Variants in PLG observed in about 807,000 individuals in gnomAD.
PLG encodes plasminogen.
Under a neutral mutation model 104.4 loss-of-function variants are expected in PLG, and 41 were observed. The observed-to-expected ratio is 0.39, with a 90% CI of 0.31 to 0.51. PLG has a LOEUF of 0.51. PLG is among the 20% of genes least tolerant of loss of function. PLG has a pLI of 0.76. For missense variants in PLG, 891 were observed against 1,003.6 expected (o/e 0.89, Z 1.52); for synonymous variants, 337 against 357.1 (o/e 0.94, Z 0.63).
At chr6:160,733,401 G>C (rs374604965) in intron 12 of PLG, among the ~76,000 whole-genome samples, 1 of 152,274 alleles carries the variant, frequency 6.6e-6, no homozygotes, top group African/African-American at 2.4e-5. Flanking sequence ...CTCCTGAAGG[G>C]AGACCCATTC....
At chr6:160,730,168 G>C in intron 10 of PLG, among the ~76,000 whole-genome samples, 1 of 152,314 alleles carries the variant, frequency 6.6e-6, no homozygotes, top group South Asian at 2.1e-4. Flanking sequence ...CCCCAGCCCG[G>C]GGTCCTCGCC....
chr6:160,742,406 T>C (rs181140062), intron 17 of PLG, among the ~76,000 whole-genome samples: 38 of 152,310 alleles, frequency 2.5e-4, no homozygotes, highest in Admixed American at 2.0e-3. Context: ...TAACGATCAG[T>C]GATATTGAGC....
chr6:160,746,349 G>T (rs987780082), intron 17 of PLG, among the ~76,000 whole-genome samples: 12 of 151,748 alleles, frequency 7.9e-5, no homozygotes, highest in Non-Finnish European at 1.6e-4. Flanking sequence ...CTTAATTTTT[G>T]TCAACTGTCT....
In PLG at chr6:160,718,786, G is replaced by A. The variant is rs1221707771; in HGVS notation, c.1044G>A (p.Lys348=). 6.2e-7 allele frequency: 1 copy of A among 1,613,808 alleles called. No homozygotes were observed. The highest frequency in any genetic ancestry group is 1.1e-5 in the South Asian group (1 of 91,066). ...GCCAAGTGCGGTGGGAGTACTGTAA[G>A]ATACCGTCCTGTGACTCCTCCCCAG... ...TNSQVRWEYC[K]IPSCDSSPVS... The change falls in exon 9 of 19, where the codon AAG becomes AAA. Residue 348 remains lysine (K), a synonymous_variant. Coordinates refer to ENST00000308192, the MANE Select transcript of PLG (RefSeq NM_000301.5).
rs551901998 is a variant in PLG, at chr6:160,741,040, C to G, written c.2019-271C>G. Among the ~76,000 whole-genome samples the G allele has an allele frequency of 2.0e-5, 3 of 152,180 alleles. No homozygotes were observed. Among genetic ancestry groups the G allele is most frequent in the Non-Finnish European group, 4.4e-5 (3 of 68,024 alleles). On this transcript the variant is annotated intron_variant, in intron 16 of 18. Coordinates refer to ENST00000308192, the MANE Select transcript of PLG (RefSeq NM_000301.5). This position sits in a 1 kb window ranked among gnomAD's most constrained non-coding sequence, Gnocchi z 4.7. The stretch of plus-strand genomic sequence containing the variant: ...CACAGAATATACATGAGAAGTGCGC[C>G]TTTGTCATCCCTACTTTCAAAGGTG...
chr6:160,709,380 T>C (rs942000074), intron 3 of PLG, among the ~76,000 whole-genome samples: 1 of 152,226 alleles, frequency 6.6e-6, no homozygotes, highest in Non-Finnish European at 1.5e-5. Context: ...TACTTGTAGC[T>C]GTACACATGA....
intron 3 of PLG, among the ~76,000 whole-genome samples, chr6:160,710,610 T>C (rs1475136311): frequency 1.3e-5 from 2 of 152,182 alleles, no homozygotes; most frequent in Non-Finnish European, 1.5e-5. Context: ...CCTGAAGAAA[T>C]AGAAGTGGGT....
Position 160,738,361 on chromosome 6 carries a change from T to C in PLG, c.1803-177T>C. The C allele has an allele frequency of 1.6e-6, 1 of 628,044 alleles. No individual in the cohort carries two copies. The highest frequency in any genetic ancestry group is 2.2e-5 in the Admixed American group (1 of 46,046). 38.9% of individuals were successfully genotyped at this position (628,044 alleles called of 1,614,324 possible). A position where few individuals can be genotyped will look rare whatever the true frequency, so the allele number is the denominator to read the frequency against. On this transcript the variant is annotated intron_variant, in intron 14 of 18. Coordinates refer to ENST00000308192, the MANE Select transcript of PLG (RefSeq NM_000301.5). The surrounding 1 kb of genome is among the most constrained non-coding windows in gnomAD (Gnocchi z 6.8). ...GGCATAGATGGGCCCTTCTCAAAAA[T>C]CCCACTCCTGGAGCACTGGCCAAAA...
intron 1 of PLG, among the ~76,000 whole-genome samples, 198 bp downstream of exon 1, chr6:160,702,551 G>A (rs969016112): frequency 6.6e-6 from 1 of 152,198 alleles, no homozygotes; most frequent in Admixed American, 6.5e-5. Context: ...GTGCTGGAAT[G>A]AATGGGCAGA....
chr6:160,746,415 T>G (rs534715602), intron 17 of PLG, among the ~76,000 whole-genome samples: 22 of 152,348 alleles, frequency 1.4e-4, no homozygotes, highest in African/African-American at 4.8e-4. Context: ...TTGGTTTATT[T>G]TGCTATTAAT....
intron 1 of PLG, among the ~76,000 whole-genome samples, chr6:160,703,312 T>A (rs1777455912): frequency 6.6e-6 from 1 of 151,698 alleles, no homozygotes; most frequent in South Asian, 2.1e-4. Context: ...CATATAGAAT[T>A]CACCCATTTA....
rs1230944283 is a variant in PLG, at chr6:160,741,770, T to C, written c.2125+353T>C. Among the ~76,000 whole-genome samples, 2 of 152,204 alleles carry C rather than the reference T, an allele frequency of 1.3e-5. No individual in the cohort carries two copies. Among genetic ancestry groups the C allele is most frequent in the African/African-American group, 4.8e-5 (2 of 41,450 alleles). On this transcript the variant is annotated intron_variant, in intron 17 of 18. Transcript: ENST00000308192. The surrounding 1 kb of genome is among the most constrained non-coding windows in gnomAD (Gnocchi z 4.7). Reference sequence around the variant, plus strand: ...TATTTTGTCACCTAGGTACTAACCCTAGTACCCAATTCTTAGTATTTCCTG... The same window carrying C: ...TATTTTGTCACCTAGGTACTAACCCCAGTACCCAATTCTTAGTATTTCCTG...
intron 8 of PLG, 116 bp from the exon 9 acceptor site, chr6:160,718,577 A>C (rs1190456357): frequency 1.2e-5 from 16 of 1,362,792 alleles, no homozygotes; most frequent in Non-Finnish European, 1.7e-5. Context: ...TGATCTAGTC[A>C]TAAGTAAAGG....
intron 17 of PLG, among the ~76,000 whole-genome samples, chr6:160,748,873 C>T (rs1268286557): frequency 6.6e-6 from 1 of 152,172 alleles, no homozygotes. Context: ...AAACAATAGT[C>T]TTCCAGCTCT....
intron 17 of PLG, among the ~76,000 whole-genome samples, chr6:160,746,035 C>A (rs1262199089): frequency 6.6e-6 from 1 of 152,124 alleles, no homozygotes; most frequent in East Asian, 1.9e-4. Flanking sequence ...ACGACCTGTC[C>A]TTTCTCTCTA....
intron 4 of PLG, chr6:160,712,163 A>AGAC (rs2115157233): frequency 6.0e-6 from 1 of 167,744 alleles, no homozygotes; most frequent in African/African-American, 2.4e-5. Context: ...ACTCTGGGCC[A>AGAC]TTTTTATGAG....
chr6:160,716,756 C>A lies in PLG; in HGVS notation c.780C>A (p.Pro260=). The A allele has an allele frequency of 6.3e-7, 1 of 1,578,716 alleles. No individual in the cohort carries two copies. The highest frequency in any genetic ancestry group is 8.7e-7 in the Non-Finnish European group (1 of 1,147,738). ...PNKRWELCDI[P]RCTTPPPSSG... is the part of the protein sequence containing the mutation. Reference sequence around the variant, plus strand: ...AGCGCTGGGAACTTTGTGACATCCCCCGCTGCAGTGAGTATGATGCACACC... The same window carrying A: ...AGCGCTGGGAACTTTGTGACATCCCACGCTGCAGTGAGTATGATGCACACC... Residue 260 remains proline (P), a synonymous_variant, in exon 7 of 19, where the codon CCC becomes CCA. Transcript: ENST00000308192.
Position 160,702,370 on chromosome 6 carries a change from T to C in PLG, c.49+17T>C, listed in dbSNP as rs769077598. ...TGAAATCAGGTAAGACATAGTTTTTTTAAATTATAAGAATTATTTTTTCTC... is the reference window on the plus strand; with the variant it reads ...TGAAATCAGGTAAGACATAGTTTTTCTAAATTATAAGAATTATTTTTTCTC... On this transcript the variant is annotated intron_variant, in intron 1 of 18. Transcript: ENST00000308192. 13 of 1,559,774 alleles carry C rather than the reference T, an allele frequency of 8.3e-6. No homozygotes were observed. The highest frequency in any genetic ancestry group is 2.6e-6 in the Non-Finnish European group (3 of 1,139,000).
At position 160,718,357 on chromosome 6, in the gene PLG, G is replaced by A. The variant is rs371746732; in HGVS notation, c.851G>A (p.Arg284His). Residue 284 changes from arginine to histidine, a missense_variant, in exon 8 of 19, where the codon CGC (arginine) becomes CAC (histidine). Physicochemically the swap from Arg to His is conservative, Grantham distance 29. This residue lies in a region of PLG where 854 missense variants were observed against 932.1 expected (regional missense o/e 0.92). Transcript: ENST00000308192. Reference protein sequence around the residue: ...QCLKGTGENYRGNVAVTVSGH... With the variant: ...QCLKGTGENYHGNVAVTVSGH... ...CTGAAGGGAACAGGTGAAAACTATC[G>A]CGGGAATGTGGCTGTTACCGTGTCC... 2.6e-5 allele frequency: 42 copies of A among 1,613,668 alleles called. No individual in the cohort carries two copies. The highest frequency in any genetic ancestry group is 7.7e-5 in the South Asian group (7 of 91,070).
Sources: allele counts gnomAD v4.1 joint callset (sites outside exome capture counted in the v4.1 genomes callset), GRCh38; gene constraint gnomAD v4.1.1; regional missense constraint gnomAD v4.1.1; non-coding constraint Gnocchi (gnomAD v3.1); transcripts MANE v1.5; gene names NCBI Gene and HGNC (gene_info 2026-07-23, HGNC 2026-07-21).